Variants in KCNH1 observed in about 807,000 individuals in gnomAD.
KCNH1 encodes potassium voltage-gated channel subfamily H member 1, also known as voltage-gated delayed rectifier potassium channel KCNH1.
In KCNH1, 27 loss-of-function variants were observed where a neutral mutation model predicts 69.2. That is an observed-to-expected ratio of 0.39 (90% CI 0.29 to 0.54). The LOEUF is 0.54. KCNH1 is among the 20% of genes least tolerant of loss of function. KCNH1 has a pLI of 0.68. For synonymous variants in KCNH1, 456 were observed against 487.7 expected, an observed-to-expected ratio of 0.93 and a Z score of 0.86; for missense variants, 798 against 1,261.6, an observed-to-expected ratio of 0.63 and a Z score of 5.57.
chr1:210,808,854 T>C (rs1447385489), intron 7 of KCNH1, among the ~76,000 whole-genome samples: 2 of 152,036 alleles, frequency 1.3e-5, no homozygotes, highest in South Asian at 2.1e-4. Flanking sequence ...TATATGAGTG[T>C]GATGTAGAGA....
intron 7 of KCNH1, among the ~76,000 whole-genome samples, chr1:210,867,346 CACACACACACACACACAT>C (rs1392104519): frequency 2.3e-5 from 3 of 129,338 alleles, no homozygotes; most frequent in South Asian, 4.9e-4. Flanking sequence ...CACACACACA[CACACACACACACACACAT>C]ATATATATAT....
intron 5 of KCNH1, among the ~76,000 whole-genome samples, chr1:211,062,614 G>A (rs530241130): frequency 1.3e-5 from 2 of 152,142 alleles, no homozygotes; most frequent in African/African-American, 4.8e-5. Flanking sequence ...AACTCTATAA[G>A]TTAAAAGCTA....
intron 10 of KCNH1, among the ~76,000 whole-genome samples, chr1:210,685,758 A>G (rs1273031148): frequency 6.6e-6 from 1 of 152,184 alleles, no homozygotes; most frequent in African/African-American, 2.4e-5. Flanking sequence ...TACCTCCTCC[A>G]AGAGGCCCTG....
At chr1:211,082,950 CACAG>C in intron 4 of KCNH1, 52 bp from the exon 5 acceptor site, 1 of 1,381,010 alleles carries the variant, frequency 7.2e-7, no homozygotes, top group Non-Finnish European at 1.0e-6. Context: ...CCCAAAGGTG[CACAG>C]ACATTCACAT....
intron 6 of KCNH1, among the ~76,000 whole-genome samples, chr1:210,996,442 G>A (rs959535807): frequency 2.0e-5 from 3 of 152,316 alleles, no homozygotes; most frequent in East Asian, 1.9e-4. Flanking sequence ...GGGGAGGGGC[G>A]CCTGCCATTG....
rs1685001017 is a variant in KCNH1 at position 210,824,701 on chromosome 1, T to G, written c.1463-20535A>C. On this transcript the variant is annotated intron_variant, in intron 7 of 10. Coordinates refer to ENST00000271751, the MANE Select transcript of KCNH1 (RefSeq NM_172362.3). ...AGCCTTTTCAGGTAACTAGGGATAGTCTTCTTTGGTACTATCCTAGAATTT... is the reference window on the plus strand; with the variant it reads ...AGCCTTTTCAGGTAACTAGGGATAGGCTTCTTTGGTACTATCCTAGAATTT... 2.6e-5 allele frequency among the ~76,000 whole-genome samples: 4 copies of G among 152,330 alleles called. No individual in the cohort carries two copies. The South Asian group carries it at 8.3e-4, about 32-fold the overall frequency.
At chr1:210,702,645 G>A (rs2149011795) in intron 10 of KCNH1, among the ~76,000 whole-genome samples, 1 of 152,292 alleles carries the variant, frequency 6.6e-6, no homozygotes, top group Non-Finnish European at 1.5e-5. Context: ...ATGAGGTAGA[G>A]CTGTGGAGCT....
intron 7 of KCNH1, among the ~76,000 whole-genome samples, chr1:210,805,974 A>T (rs1684542332): frequency 6.6e-6 from 1 of 152,190 alleles, no homozygotes; most frequent in Admixed American, 6.5e-5. Flanking sequence ...TCATTTATCC[A>T]TTCATCAGTT....
chr1:210,951,081 G>A (rs965420419), intron 6 of KCNH1, among the ~76,000 whole-genome samples: 2 of 152,204 alleles, frequency 1.3e-5, no homozygotes, highest in African/African-American at 4.8e-5. Context: ...GAGAAGGGGA[G>A]TATTTCCACA....
chr1:210,919,456 T>C lies in KCNH1; in HGVS notation c.1462+184A>G. ...TTCTACTTTGCACTCTTTTGTATTT[T>C]CTAAATTTTTTTGCAGTAAGCATAT... On this transcript the variant is annotated intron_variant, in intron 7 of 10. Coordinates refer to ENST00000271751, the MANE Select transcript of KCNH1 (RefSeq NM_172362.3). The surrounding 1 kb of genome is among the most constrained non-coding windows in gnomAD (Gnocchi z 4.2). The C allele has an allele frequency of 1.6e-6, 1 of 625,192 alleles. No homozygotes were observed. 38.7% of individuals were successfully genotyped at this position (625,192 alleles called of 1,614,324 possible).
intron 10 of KCNH1, among the ~76,000 whole-genome samples, chr1:210,691,316 G>A (rs1188705108): frequency 6.6e-6 from 1 of 152,222 alleles, no homozygotes; most frequent in African/African-American, 2.4e-5. Context: ...GTCCTGGTGA[G>A]AGGAGCTGAC....
chr1:210,919,397 T>C lies in KCNH1; in HGVS notation c.1462+243A>G, dbSNP rs1436897154. On this transcript the variant is annotated intron_variant, in intron 7 of 10. Transcript: ENST00000271751. The surrounding 1 kb of genome is among the most constrained non-coding windows in gnomAD (Gnocchi z 4.2). ...AAGACACCAACAGTATTAGTAGTTATCTCTGAAAAGCAGAATTATGGATAG... is the reference window on the plus strand; with the variant it reads ...AAGACACCAACAGTATTAGTAGTTACCTCTGAAAAGCAGAATTATGGATAG... 7 of 502,644 alleles carry C rather than the reference T, an allele frequency of 1.4e-5. No individual in the cohort carries two copies. Among genetic ancestry groups the C allele is most frequent in the South Asian group, 2.6e-5 (1 of 38,518 alleles). The allele number at this position is 502,644 out of a possible 1,614,324, so 31.1% of individuals were successfully genotyped here.
intron 6 of KCNH1, among the ~76,000 whole-genome samples, chr1:211,015,760 T>G (rs1045273926): frequency 6.6e-6 from 1 of 152,188 alleles, no homozygotes; most frequent in Non-Finnish European, 1.5e-5. Context: ...GGCTAAATGA[T>G]ATGCACAAGG....
chr1:210,706,238 C>T (rs1681910665), intron 10 of KCNH1, among the ~76,000 whole-genome samples: 1 of 152,162 alleles, frequency 6.6e-6, no homozygotes, highest in South Asian at 2.1e-4. Flanking sequence ...GCCATCAGCT[C>T]CATGAAATTT....
chr1:211,060,333 G>A (rs1342886780), intron 5 of KCNH1, among the ~76,000 whole-genome samples: 8 of 146,280 alleles, frequency 5.5e-5, no homozygotes, highest in Admixed American at 1.4e-4. Context: ...CCCGGGAGGC[G>A]GAGCTTGCAG....
At chr1:210,917,275 G>GAAAGAAAGAAAGAAAGAAAGAAAGA (rs1553359771) in intron 7 of KCNH1, among the ~76,000 whole-genome samples, 3 of 142,890 alleles carry the variant, frequency 2.1e-5, no homozygotes, top group African/African-American at 8.0e-5. Flanking sequence ...AAGAAAGAAA[G>GAAAGAAAGAAAGAAAGAAAGAAAGA]AAAGAAAAGA....
intron 5 of KCNH1, among the ~76,000 whole-genome samples, chr1:211,067,183 C>T (rs1354109484): frequency 6.6e-6 from 1 of 152,220 alleles, no homozygotes. Flanking sequence ...GGGACTGCTG[C>T]TCTCTCCTAC....
At chr1:210,714,442 T>A (rs1682168402) in intron 10 of KCNH1, among the ~76,000 whole-genome samples, 1 of 152,214 alleles carries the variant, frequency 6.6e-6, no homozygotes, top group African/African-American at 2.4e-5. Context: ...TGCTTATTCA[T>A]CACGCAACTT....
intron 5 of KCNH1, among the ~76,000 whole-genome samples, chr1:211,050,970 G>A (rs557301889): frequency 9.5e-5 from 12 of 126,230 alleles, no homozygotes; most frequent in East Asian, 5.5e-4. Context: ...GTAAACAACC[G>A]AGATATTAAT....
Sources: gnomAD v4.1 joint callset for allele counts (sites outside exome capture counted in the v4.1 genomes callset) on GRCh38, gnomAD v4.1.1 for gene constraint, Gnocchi (gnomAD v3.1) non-coding constraint, MANE v1.5 for transcripts, NCBI Gene and HGNC (gene_info 2026-07-23, HGNC 2026-07-21) for gene names.